Variants in NRXN3 observed in about 807,000 individuals in gnomAD.
NRXN3 encodes neurexin 3.
A neutral mutation model predicts 137.6 loss-of-function variants in NRXN3; 32 were observed. That is an observed-to-expected ratio of 0.23 (90% CI 0.18 to 0.31). The LOEUF is 0.31. Ranked by LOEUF, NRXN3 falls within the 10% of genes least tolerant of loss-of-function variation. The pLI, the probability that NRXN3 is intolerant of heterozygous loss-of-function variation, is 1.00. For missense variants in NRXN3, 1,574 were observed against 2,062.5 expected (o/e 0.76, Z 4.59); for synonymous variants, 798 against 784.5 (o/e 1.02, Z -0.29).
chr14:79,520,399 A>G (rs2097051981), intron 16 of NRXN3, among the ~76,000 whole-genome samples: 1 of 152,116 alleles, frequency 6.6e-6, no homozygotes, highest in Non-Finnish European at 1.5e-5. Context: ...GCACCCATCA[A>G]CCTGTCATCT....
chr14:79,081,525 A>T (rs745956789), intron 15 of NRXN3, among the ~76,000 whole-genome samples: 3 of 151,852 alleles, frequency 2.0e-5, no homozygotes, highest in Non-Finnish European at 4.4e-5. Context: ...GAGGCAGAGG[A>T]ATCACTTAAA....
Position 79,379,569 on chromosome 14 carries a change from C to T in NRXN3, c.3263-87652C>T, listed in dbSNP as rs116658585. ...AGGCCTCTCCCATGGTGCCAGAATGCCTCTGACAGCATTTTCAGAGCTGTG... is the reference window on the plus strand; with the variant it reads ...AGGCCTCTCCCATGGTGCCAGAATGTCTCTGACAGCATTTTCAGAGCTGTG... On this transcript the variant is annotated intron_variant, in intron 15 of 20. Coordinates refer to ENST00000335750, the MANE Select transcript of NRXN3 (RefSeq NM_001330195.2). Among the ~76,000 whole-genome samples, 1,000 of 152,264 alleles carry T rather than the reference C, an allele frequency of 6.6e-3. 5 individuals are homozygous for T. The highest frequency in any genetic ancestry group is 0.023 in the African/African-American group (951 of 41,558).
rs1020432773 is a variant in NRXN3 at position 79,553,730 on chromosome 14, A to T, written c.3444+86328A>T. 1.1e-4 allele frequency among the ~76,000 whole-genome samples: 16 copies of T among 152,302 alleles called. No homozygotes were observed. The East Asian group carries it at 2.1e-3, about 20-fold the overall frequency. On this transcript the variant is annotated intron_variant, in intron 16 of 20. Coordinates refer to ENST00000335750, the MANE Select transcript of NRXN3 (RefSeq NM_001330195.2). ...TAAAGCCACAGGGTAGTGGCAGAAC[A>T]TTTGGATACATCTTTAAAGACTCAA...
chr14:78,816,778 A>G (rs1020617030), intron 10 of NRXN3, among the ~76,000 whole-genome samples: 4 of 152,332 alleles, frequency 2.6e-5, no homozygotes, highest in East Asian at 1.9e-4. Context: ...TACCAGCAAT[A>G]TATGTGTTTG....
chr14:78,537,318 A>G lies in NRXN3; in HGVS notation c.758-107802A>G, dbSNP rs146031352. On this transcript the variant is annotated intron_variant, in intron 4 of 20. Coordinates refer to ENST00000335750, the MANE Select transcript of NRXN3 (RefSeq NM_001330195.2). The stretch of plus-strand genomic sequence containing the variant: ...GCCATTCTAACTGGTGTGAGATGCT[A>G]TCTCATTGTGGTTTTGATTTGCATT... Among the ~76,000 whole-genome samples, 83 of 152,274 alleles carry G rather than the reference A, an allele frequency of 5.5e-4. 1 individual carries two copies. The East Asian group carries it at 0.016, about 29-fold the overall frequency.
chr14:78,358,541 A>G (rs950663549), intron 4 of NRXN3, among the ~76,000 whole-genome samples: 41 of 152,190 alleles, frequency 2.7e-4, no homozygotes, highest in African/African-American at 9.9e-4. Context: ...TGGCTTCTCC[A>G]ATGCATGTTG....
intron 15 of NRXN3, among the ~76,000 whole-genome samples, chr14:79,226,664 C>T (rs747201871): frequency 6.6e-6 from 1 of 152,104 alleles, no homozygotes; most frequent in Non-Finnish European, 1.5e-5. Context: ...ACTGGTAAAG[C>T]CTCAGGGTAA....
intron 2 of NRXN3, among the ~76,000 whole-genome samples, chr14:78,268,590 A>G (rs2072203093): frequency 6.6e-6 from 1 of 152,178 alleles, no homozygotes; most frequent in Non-Finnish European, 1.5e-5. Context: ...AAGGGAAGAA[A>G]TATTTGTGGA....
At chr14:79,732,006 C>G (rs577487768) in intron 19 of NRXN3, among the ~76,000 whole-genome samples, 18 of 152,162 alleles carry the variant, frequency 1.2e-4, no homozygotes, top group African/African-American at 3.6e-4. Flanking sequence ...CTCACCCCTC[C>G]CAATCAGCTC....
At chr14:78,234,994 T>TTTTATATA in intron 1 of NRXN3, among the ~76,000 whole-genome samples, 1 of 108,816 alleles carries the variant, frequency 9.2e-6, no homozygotes, top group African/African-American at 3.3e-5. Context: ...ACAAATGCTT[T>TTTTATATA]TATATATATA....
intron 16 of NRXN3, among the ~76,000 whole-genome samples, chr14:79,476,021 CA>C (rs1177469374): frequency 6.6e-6 from 1 of 152,094 alleles, no homozygotes; most frequent in Non-Finnish European, 1.5e-5. Flanking sequence ...CCCTTAACAC[CA>C]TCAGTTGGAT....
chr14:78,679,057 C>G (rs2098043485), intron 6 of NRXN3, among the ~76,000 whole-genome samples: 1 of 152,216 alleles, frequency 6.6e-6, no homozygotes. Flanking sequence ...AAAACACAAC[C>G]AAACCCTCAA....
rs74065929 is a variant in NRXN3, at chr14:78,232,582, G to C, written c.-703-9809G>C. ...GAATAATTTTCCTCTCCCCTTACCC[G>C]CTTTGTGGGGAAAGATCAGCTAAGC... On this transcript the variant is annotated intron_variant, in intron 1 of 20. Coordinates refer to ENST00000335750, the MANE Select transcript of NRXN3 (RefSeq NM_001330195.2). 9.3e-3 allele frequency among the ~76,000 whole-genome samples: 1,420 copies of C among 152,162 alleles called. 30 individuals are homozygous for C. Among genetic ancestry groups the C allele is most frequent in the African/African-American group, 0.032 (1,330 of 41,510 alleles).
At chr14:78,776,866 T>C (rs1405411107) in intron 8 of NRXN3, among the ~76,000 whole-genome samples, 1 of 152,150 alleles carries the variant, frequency 6.6e-6, no homozygotes. Context: ...TATAATATAG[T>C]TTGCTGGGTC....
intron 16 of NRXN3, among the ~76,000 whole-genome samples, chr14:79,503,027 G>C (rs974343684): frequency 6.6e-6 from 1 of 151,982 alleles, no homozygotes; most frequent in Non-Finnish European, 1.5e-5. Flanking sequence ...ATGGTGGCTT[G>C]GCCATTTGTT....
chr14:79,009,027 G>A (rs1468272781), intron 15 of NRXN3, among the ~76,000 whole-genome samples: 1 of 152,072 alleles, frequency 6.6e-6, no homozygotes, highest in African/African-American at 2.4e-5. Context: ...GAGATTTGAG[G>A]ACCTAACCGT....
rs1226906614 is a variant in NRXN3, at chr14:79,867,806, G to A, written c.*5842G>A. The A allele has an allele frequency of 6.6e-6, 1 of 152,232 alleles. No individual in the cohort carries two copies. The highest frequency in any genetic ancestry group is 2.4e-5 in the African/African-American group (1 of 41,418). 9.4% of individuals were successfully genotyped at this position (152,232 alleles called of 1,614,324 possible). On this transcript the variant is annotated 3_prime_UTR_variant, in exon 21 of 21. Coordinates refer to ENST00000335750, the MANE Select transcript of NRXN3 (RefSeq NM_001330195.2). ...ATTCCAAGAGACACCAAGCCACAGA[G>A]CAGGTAGGATCACGTGAGTAGGGCC...
At chr14:79,795,953 A>AG (rs2099159822) in intron 19 of NRXN3, among the ~76,000 whole-genome samples, 2 of 152,138 alleles carry the variant, frequency 1.3e-5, no homozygotes, top group Non-Finnish European at 2.9e-5. Flanking sequence ...GGAAAAAGGG[A>AG]GGGAAAAAAG....
At chr14:78,422,904 G>GA (rs1167411757) in intron 4 of NRXN3, among the ~76,000 whole-genome samples, 1 of 152,224 alleles carries the variant, frequency 6.6e-6, no homozygotes, top group Non-Finnish European at 1.5e-5. Flanking sequence ...CCCCAAGAGA[G>GA]ACGTGGATAG....
Sources: allele counts gnomAD v4.1 joint callset (sites outside exome capture counted in the v4.1 genomes callset), GRCh38; gene constraint gnomAD v4.1.1; transcripts MANE v1.5; gene names NCBI Gene and HGNC (gene_info 2026-07-23, HGNC 2026-07-21).